Variants in PPAN observed in about 807,000 individuals in gnomAD.
PPAN encodes peter pan homolog, also known as suppressor of SWI4 1 homolog.
In PPAN, 39 loss-of-function variants were observed where a neutral mutation model predicts 48.5. That is an observed-to-expected ratio of 0.80 (90% CI 0.62 to 1.05). The LOEUF (loss-of-function observed/expected upper bound fraction) is 1.05. Ranked by LOEUF, PPAN falls within the 50% of genes least tolerant of loss-of-function variation. The pLI, the probability that PPAN is intolerant of heterozygous loss-of-function variation, is 0.00. For synonymous variants in PPAN, 315 were observed against 268.6 expected (o/e 1.17, Z -1.69); for missense variants, 736 against 661.7 (o/e 1.11, Z -1.23).
Position 10,106,528 on chromosome 19 carries a change from CA to C in PPAN, c.47del (p.Gln16ArgfsTer55). The C allele has an allele frequency of 6.4e-7, 1 of 1,553,768 alleles. No individual in the cohort carries two copies. Among genetic ancestry groups the C allele is most frequent in the Non-Finnish European group, 8.7e-7 (1 of 1,148,714 alleles). On this transcript the variant is annotated frameshift_variant, in exon 2 of 12. Transcript: ENST00000253107. LOFTEE classifies it high-confidence loss of function. ...CCGGCACCAGAAGCGCGCCCGCGCC[CA>C]GGCGCAGCTCCGCAACCTCGAGGCC... is the stretch of plus-strand genomic sequence containing the variant. ...RSRHQKRARAQAQLRNLEAYA... is the reference protein window; with the variant it reads ...RSRHQKRARAXAQLRNLEAYA...
Position 10,109,612 on chromosome 19 carries a change from T to C in PPAN, c.514-19T>C, listed in dbSNP as rs768651687. On this transcript the variant is annotated intron_variant, in intron 5 of 11. Coordinates refer to ENST00000253107, the MANE Select transcript of PPAN (RefSeq NM_020230.7). ...TTGCCATGAGTCTACTGGACTATGC[T>C]CTCTTCCTCCCCTTCCAGGTGAACC... 2.9e-5 allele frequency: 47 copies of C among 1,609,306 alleles called. No homozygotes were observed. Among genetic ancestry groups the C allele is most frequent in the Non-Finnish European group, 4.0e-5 (47 of 1,177,640 alleles).
chr19:10,107,846 G>A lies in PPAN; in HGVS notation c.334G>A (p.Val112Ile), dbSNP rs986176566. Residue 112 changes from valine (V) to isoleucine (I), a missense_variant, in exon 4 of 12, where the codon GTC becomes ATC. Coordinates refer to ENST00000253107, the MANE Select transcript of PPAN (RefSeq NM_020230.7). ...LPGGPTLTFQVKKYSLVRDVV... is the reference protein window; with the variant it reads ...LPGGPTLTFQIKKYSLVRDVV... ...AGGAGGCCCCACCTTGACCTTCCAG[G>A]TCAAGAAGGTGAGAGGGGTGGAGGT... is the stretch of plus-strand genomic sequence containing the variant. The A allele has an allele frequency of 1.2e-6, 2 of 1,613,598 alleles. No homozygotes were observed. Among genetic ancestry groups the A allele is most frequent in the Non-Finnish European group, 1.7e-6 (2 of 1,179,532 alleles).
rs1293563180 is a variant in PPAN, at chr19:10,111,880, G to A, written c.*715G>A. The A allele has an allele frequency of 6.2e-6, 6 of 968,140 alleles. No homozygotes were observed. The highest frequency in any genetic ancestry group is 2.1e-5 in the Admixed American group (1 of 48,354). The allele number at this position is 968,140 out of a possible 1,614,324, so 60.0% of individuals were successfully genotyped here. ...TAATCCCAGCACTTTGGGAGGTCGA[G>A]GGGGGTGGAACACGAGGTCAGGGGT... On this transcript the variant is annotated 3_prime_UTR_variant, in exon 12 of 12. Transcript: ENST00000253107.
In PPAN at chr19:10,107,775, A is replaced by G. The variant is rs1449810411; in HGVS notation, c.292-29A>G. 3.7e-6 allele frequency: 6 copies of G among 1,613,616 alleles called. No individual in the cohort carries two copies. The Admixed American group carries it at 1.0e-4, about 27-fold the overall frequency. On this transcript the variant is annotated intron_variant, in intron 3 of 11. Transcript: ENST00000253107. Reference sequence around the variant, plus strand: ...CCGGGCACCTCTGCTAGACCCCTCCAGAGTCACTGATCTTTTCTTCTCCTG... The same window carrying G: ...CCGGGCACCTCTGCTAGACCCCTCCGGAGTCACTGATCTTTTCTTCTCCTG...
Position 10,109,923 on chromosome 19 carries a change from G to T in PPAN, c.601G>T (p.Val201Phe). ...ELDFRHYSIK[V>F]VPVGASRGMK... is the part of the protein sequence containing the mutation. ...CTCATGTTCCTGCAGTAGCATCAAA[G>T]TTGTTCCTGTGGGCGCGAGTCGCGG... Residue 201 changes from valine to phenylalanine, a missense_variant, in exon 7 of 12, where the codon GTT becomes TTT. Val to Phe is a conservative substitution (Grantham distance 50, BLOSUM62 -1). Transcript: ENST00000253107. The T allele has an allele frequency of 2.5e-6, 4 of 1,614,092 alleles. No individual in the cohort carries two copies. Among genetic ancestry groups the T allele is most frequent in the Non-Finnish European group, 2.5e-6 (3 of 1,179,932 alleles).
In PPAN at chr19:10,111,375, CGA is replaced by C; in HGVS notation, c.*214_*215del. On this transcript the variant is annotated 3_prime_UTR_variant, in exon 12 of 12. Coordinates refer to ENST00000253107, the MANE Select transcript of PPAN (RefSeq NM_020230.7). ...CAGAGAGTCCTGGGCCGGCCACACC[CGA>C]GAGTCCCTCCCACCTGGTTTCTTCC... is the stretch of plus-strand genomic sequence containing the variant. 1 of 684,494 alleles carries C rather than the reference CGA, an allele frequency of 1.5e-6. No homozygotes were observed. The highest frequency in any genetic ancestry group is 2.4e-6 in the Non-Finnish European group (1 of 415,500). 42.4% of individuals were successfully genotyped at this position (684,494 alleles called of 1,614,324 possible).
intron 2 of PPAN, among the ~76,000 whole-genome samples, chr19:10,107,252 G>A (rs1375946120): frequency 6.6e-6 from 1 of 152,182 alleles, no homozygotes; most frequent in Admixed American, 6.5e-5. Flanking sequence ...CCCAGTATCT[G>A]ATGCAAGTTA....
chr19:10,110,324 A>T lies in PPAN; in HGVS notation c.823A>T (p.Ile275Phe), dbSNP rs1380450292. 2 of 1,613,532 alleles carry T rather than the reference A, an allele frequency of 1.2e-6. No individual in the cohort carries two copies. The highest frequency in any genetic ancestry group is 1.7e-5 in the Admixed American group (1 of 59,988). Residue 275 changes from isoleucine (I) to phenylalanine (F), a missense_variant and splice_region_variant, in exon 9 of 12, where the codon ATC becomes TTC. Transcript: ENST00000253107. The surrounding 1 kb of genome is among the most constrained non-coding windows in gnomAD (Gnocchi z 5.9). ...TGACGCTTCTTCCTCGTCCCCTCAG[A>T]TCGGCCCGCGGATGACACTGCAGCT... ...AQQSAVRLTE[I>F]GPRMTLQLIK...
rs749808873 is a variant in PPAN at position 10,109,977 on chromosome 19, C to T, written c.655C>T (p.Pro219Ser). 1 of 1,614,042 alleles carries T rather than the reference C, an allele frequency of 6.2e-7. No individual in the cohort carries two copies. The highest frequency in any genetic ancestry group is 8.5e-7 in the Non-Finnish European group (1 of 1,179,948). Residue 219 changes from proline to serine, a missense_variant, in exon 7 of 12, where the codon CCC (proline) becomes TCC (serine). Coordinates refer to ENST00000253107, the MANE Select transcript of PPAN (RefSeq NM_020230.7). ...GMKKLLQEKF[P>S]NMSRLQDISE... ...GAAGAAGCTGCTCCAGGAGAAGTTCCCCAACATGAGCCGCCTGCAGGACAT... is the reference window on the plus strand; with the variant it reads ...GAAGAAGCTGCTCCAGGAGAAGTTCTCCAACATGAGCCGCCTGCAGGACAT...
chr19:10,108,332 C>T (rs2088912022), intron 5 of PPAN, among the ~76,000 whole-genome samples, 198 bp downstream of exon 5: 1 of 152,276 alleles, frequency 6.6e-6, no homozygotes, highest in East Asian at 1.9e-4. Context: ...GCGGTCCACA[C>T]CCCGTGAGCT....
In PPAN at chr19:10,111,189, G is replaced by A. The variant is rs1229986823; in HGVS notation, c.*24G>A. ...GAGCCCAAGCCGCACCGGAGCAGCGGCTGGATTGAACGCCCCAGATTGGGG... is the reference window on the plus strand; with the variant it reads ...GAGCCCAAGCCGCACCGGAGCAGCGACTGGATTGAACGCCCCAGATTGGGG... On this transcript the variant is annotated 3_prime_UTR_variant, in exon 12 of 12. Transcript: ENST00000253107. 6.5e-7 allele frequency: 1 copy of A among 1,536,198 alleles called. No individual in the cohort carries two copies. Among genetic ancestry groups the A allele is most frequent in the Non-Finnish European group, 8.7e-7 (1 of 1,143,968 alleles).
chr19:10,111,964 G>T lies in PPAN; in HGVS notation c.*799G>T, dbSNP rs937629984. On this transcript the variant is annotated 3_prime_UTR_variant, in exon 12 of 12. Transcript: ENST00000253107. ...GTCTCTACTAAAAATAAAAAAATTA[G>T]CTGGGCCTGGTGGCACATGCCTGTA... is the stretch of plus-strand genomic sequence containing the variant. 2 of 522,586 alleles carry T rather than the reference G, an allele frequency of 3.8e-6. No homozygotes were observed. The highest frequency in any genetic ancestry group is 1.9e-5 in the African/African-American group (1 of 51,684). The allele number at this position is 522,586 out of a possible 1,614,324, so 32.4% of individuals were successfully genotyped here. A position where few individuals can be genotyped will look rare whatever the true frequency, so the allele number is the denominator to read the frequency against.
Position 10,110,904 on chromosome 19 carries a change from G to C in PPAN, c.1201+38G>C, listed in dbSNP as rs1181802616. On this transcript the variant is annotated intron_variant, in intron 11 of 11. Coordinates refer to ENST00000253107, the MANE Select transcript of PPAN (RefSeq NM_020230.7). The surrounding 1 kb of genome is among the most constrained non-coding windows in gnomAD (Gnocchi z 5.9). Reference sequence around the variant, plus strand: ...GTCTGCAGCAGGGCACCCAGAGCCTGTCCTTGTCTCTGGGGGCCCTGACAC... The same window carrying C: ...GTCTGCAGCAGGGCACCCAGAGCCTCTCCTTGTCTCTGGGGGCCCTGACAC... 3 of 1,613,228 alleles carry C rather than the reference G, an allele frequency of 1.9e-6. No homozygotes were observed. Among genetic ancestry groups the C allele is most frequent in the African/African-American group, 2.7e-5 (2 of 74,954 alleles).
Position 10,110,006 on chromosome 19 carries a change from C to G in PPAN, c.684C>G (p.Ser228Arg). The change falls in exon 7 of 12, where the codon AGC becomes AGG. Residue 228 changes from serine to arginine, a missense_variant. Ser to Arg is a moderately radical substitution (Grantham distance 110). Coordinates refer to ENST00000253107, the MANE Select transcript of PPAN (RefSeq NM_020230.7). This position sits in a 1 kb window ranked among gnomAD's most constrained non-coding sequence, Gnocchi z 5.9. Reference sequence around the variant, plus strand: ...ACATGAGCCGCCTGCAGGACATCAGCGAGCTGCTGGCCACGTGAGGAGGGC... The same window carrying G: ...ACATGAGCCGCCTGCAGGACATCAGGGAGCTGCTGGCCACGTGAGGAGGGC... The part of the protein sequence containing the change: ...FPNMSRLQDI[S>R]ELLATGAGLS... 1 of 1,613,932 alleles carries G rather than the reference C, an allele frequency of 6.2e-7. No individual in the cohort carries two copies. The highest frequency in any genetic ancestry group is 8.5e-7 in the Non-Finnish European group (1 of 1,179,942).
At chr19:10,109,745 G>C in intron 6 of PPAN, 38 bp downstream of exon 6, 1 of 1,605,260 alleles carries the variant, frequency 6.2e-7, no homozygotes, top group Non-Finnish European at 8.5e-7. Context: ...AGGGGGTGCC[G>C]GGTGGGGGCC....
chr19:10,109,324 A>G (rs960047492), intron 5 of PPAN, among the ~76,000 whole-genome samples: 4 of 151,884 alleles, frequency 2.6e-5, no homozygotes, highest in Admixed American at 2.6e-4. Flanking sequence ...GGCACAAGCA[A>G]TCCTGCAGCC....
chr19:10,109,282 C>T (rs1027231811), intron 5 of PPAN, among the ~76,000 whole-genome samples: 1 of 151,810 alleles, frequency 6.6e-6, no homozygotes, highest in Non-Finnish European at 1.5e-5. Flanking sequence ...TTTTAAGAGA[C>T]GGGGTCTCCG....
At chr19:10,109,249 G>A (rs1043032134) in intron 5 of PPAN, among the ~76,000 whole-genome samples, 2 of 151,942 alleles carry the variant, frequency 1.3e-5, no homozygotes, top group Non-Finnish European at 2.9e-5. Context: ...GTGAGCCACC[G>A]TGCCCGGCCT....
At position 10,110,984 on chromosome 19, in the gene PPAN, C is replaced by T; in HGVS notation, c.1241C>T (p.Ser414Phe). ...GCCAAGCAGAAACGGCTTGCCAAGT[C>T]TCCAGGGCGGAAGCGGAAGCGGTGG... ...PEAKQKRLAK[S>F]PGRKRKRWEM... The change falls in exon 12 of 12, where the codon TCT (serine) becomes TTT (phenylalanine). Residue 414 changes from serine to phenylalanine, a missense_variant. Ser to Phe is a radical substitution (Grantham distance 155). Transcript: ENST00000253107. The surrounding 1 kb of genome is among the most constrained non-coding windows in gnomAD (Gnocchi z 5.9). 5.0e-6 allele frequency: 8 copies of T among 1,613,278 alleles called. No individual in the cohort carries two copies. The highest frequency in any genetic ancestry group is 1.3e-5 in the African/African-American group (1 of 75,018).
Sources: allele counts gnomAD v4.1 joint callset (sites outside exome capture counted in the v4.1 genomes callset), GRCh38; gene constraint gnomAD v4.1.1; non-coding constraint Gnocchi (gnomAD v3.1); transcripts MANE v1.5; gene names NCBI Gene and HGNC (gene_info 2026-07-23, HGNC 2026-07-21).